The following AHI1 variants were observed in gnomAD, a reference collection of about 807,000 sequenced individuals.
The protein encoded by AHI1 is Abelson helper integration site 1.
In AHI1, 123 loss-of-function variants were observed where a neutral mutation model predicts 149.3. The observed-to-expected ratio is 0.82, with a 90% confidence interval of 0.71 to 0.96. AHI1 has a LOEUF of 0.96. Ranked by LOEUF, AHI1 falls within the 40% of genes least tolerant of loss-of-function variation. AHI1 has a pLI of 0.00. For missense variants in AHI1, 1,439 were observed against 1,422.7 expected, an observed-to-expected ratio of 1.01 and a Z score of -0.18; for synonymous variants, 475 against 459.8, an observed-to-expected ratio of 1.03 and a Z score of -0.42.
chr6:135,448,444 TTGA>T lies in AHI1; in HGVS notation c.1469_1471del (p.Ile490del). The T allele has an allele frequency of 6.5e-7, 1 of 1,544,352 alleles. No individual in the cohort carries two copies. The highest frequency in any genetic ancestry group is 8.8e-7 in the Non-Finnish European group (1 of 1,132,024). On this transcript the variant is annotated inframe_deletion, in exon 12 of 29. Coordinates refer to ENST00000265602, the MANE Select transcript of AHI1 (RefSeq NM_001134831.2). ...ATATAGCTGCAAGCGAAGTTTTGAG[TTGA>T]TGTTTGCATTTCCATTGGCTCCCAG...
intron 5 of AHI1, among the ~76,000 whole-genome samples, chr6:135,469,632 T>C (rs1339099144): frequency 4.6e-5 from 7 of 151,950 alleles, no homozygotes; most frequent in Admixed American, 4.6e-4. Flanking sequence ...TACAGACCAA[T>C]GGAACAGAAA....
chr6:135,462,575 T>C (rs545815638), intron 8 of AHI1, among the ~76,000 whole-genome samples: 1 of 152,260 alleles, frequency 6.6e-6, no homozygotes, highest in African/African-American at 2.4e-5. Flanking sequence ...ACAAAGTCAG[T>C]ATCATTTTAG....
rs767605883 is a variant in AHI1, at chr6:135,447,075, G to A, written c.1712C>T (p.Ser571Leu). 7 of 1,611,098 alleles carry A rather than the reference G, an allele frequency of 4.3e-6. No homozygotes were observed. The South Asian group carries it at 6.6e-5, about 15-fold the overall frequency. The change falls in exon 13 of 29, where the codon TCA (serine) becomes TTA (leucine). Residue 571 changes from serine (S) to leucine (L), a missense_variant. Transcript: ENST00000265602. ...TTCTAATCCAGGTTCTGTGTCTACT[G>A]AGCTTGACTCATGGTGACGTTCACA... ...VHCERHHESSSVDTEPGLEES... is the reference protein window; with the variant it reads ...VHCERHHESSLVDTEPGLEES...
At chr6:135,483,384 C>A (rs1047390844) in intron 5 of AHI1, among the ~76,000 whole-genome samples, 2 of 152,058 alleles carry the variant, frequency 1.3e-5, no homozygotes, top group African/African-American at 4.8e-5. Flanking sequence ...CTTTTAAAAT[C>A]AATTCACTGC....
At chr6:135,289,913 A>G (rs373263586) in intron 28 of AHI1, among the ~76,000 whole-genome samples, 99 of 151,536 alleles carry the variant, frequency 6.5e-4, no homozygotes, top group African/African-American at 2.3e-3. Flanking sequence ...CCCAACCCCT[A>G]CCATCCAAAC....
chr6:135,347,080 C>T (rs987228892), intron 24 of AHI1, among the ~76,000 whole-genome samples: 1 of 152,146 alleles, frequency 6.6e-6, no homozygotes, highest in African/African-American at 2.4e-5. Context: ...GAATGTTTTC[C>T]AAGAAATGTT....
chr6:135,375,695 G>A (rs1016665449), intron 23 of AHI1, among the ~76,000 whole-genome samples: 3 of 151,960 alleles, frequency 2.0e-5, no homozygotes, highest in African/African-American at 7.3e-5. Context: ...AAGACAACTG[G>A]GAATATCAAT....
intron 18 of AHI1, 48 bp downstream of exon 18, chr6:135,429,834 T>C: frequency 2.7e-6 from 3 of 1,097,978 alleles, no homozygotes; most frequent in African/African-American, 1.6e-5. Context: ...ATTTAATTCA[T>C]TACTTACTCT....
At chr6:135,354,085 G>T (rs1792577613) in intron 24 of AHI1, among the ~76,000 whole-genome samples, 1 of 152,084 alleles carries the variant, frequency 6.6e-6, no homozygotes, top group Admixed American at 6.6e-5. Flanking sequence ...TCAACCTGTT[G>T]TGATAGATGT....
intron 10 of AHI1, 147 bp from the exon 11 acceptor site, chr6:135,453,583 A>C (rs554887300): frequency 1.6e-6 from 1 of 641,402 alleles, no homozygotes; most frequent in South Asian, 2.1e-5. Context: ...CATTTCATTC[A>C]CCTTAAAGTT....
chr6:135,296,098 G>A (rs1222275748), intron 27 of AHI1, among the ~76,000 whole-genome samples: 2 of 152,192 alleles, frequency 1.3e-5, no homozygotes, highest in African/African-American at 2.4e-5. Context: ...CAGATGATCC[G>A]TTTGCCTCGG....
chr6:135,363,709 G>A (rs1245017454), intron 23 of AHI1, among the ~76,000 whole-genome samples: 3 of 148,034 alleles, frequency 2.0e-5, no homozygotes, highest in Non-Finnish European at 4.5e-5. Flanking sequence ...CGGACGGGGC[G>A]GCTGGCCGGG....
At chr6:135,428,096 A>G (rs72980220) in intron 19 of AHI1, among the ~76,000 whole-genome samples, 2,666 of 151,776 alleles carry the variant, frequency 0.018, 48 homozygotes, top group Admixed American at 0.038. Flanking sequence ...ACATTCATGT[A>G]GCTTTAGCTT....
intron 26 of AHI1, among the ~76,000 whole-genome samples, chr6:135,309,561 C>T (rs909403966): frequency 6.6e-6 from 1 of 151,374 alleles, no homozygotes; most frequent in African/African-American, 2.4e-5. Context: ...CAGCTCACTG[C>T]AACCTATGCC....
At chr6:135,295,912 G>C (rs1783025577) in intron 27 of AHI1, among the ~76,000 whole-genome samples, 1 of 152,168 alleles carries the variant, frequency 6.6e-6, no homozygotes, top group Non-Finnish European at 1.5e-5. Context: ...GAGTGCAGTG[G>C]CACGATCTCG....
At chr6:135,470,782 T>G (rs1236953797) in intron 5 of AHI1, among the ~76,000 whole-genome samples, 1 of 151,232 alleles carries the variant, frequency 6.6e-6, no homozygotes, top group Admixed American at 6.6e-5. Flanking sequence ...CACTGGGGCC[T>G]GTCAGGGAGT....
intron 26 of AHI1, among the ~76,000 whole-genome samples, chr6:135,312,491 C>A (rs1430847224): frequency 1.3e-5 from 2 of 151,802 alleles, no homozygotes; most frequent in African/African-American, 4.8e-5. Context: ...TTCAGCTTGG[C>A]AATAGAGTGA....
intron 7 of AHI1, among the ~76,000 whole-genome samples, chr6:135,465,460 G>A (rs1237819026): frequency 6.6e-6 from 1 of 152,174 alleles, no homozygotes; most frequent in Non-Finnish European, 1.5e-5. Context: ...CAAAAAAGGG[G>A]AAGTAATTAG....
rs73557693 is a variant in AHI1, at chr6:135,301,815, C to T, written c.3427-1257G>A. 9.4e-4 allele frequency: 923 copies of T among 985,368 alleles called. 5 individuals carry two copies. In the African/African-American group the frequency reaches 0.015, roughly 16 times the overall value. 61.0% of individuals were successfully genotyped at this position (985,368 alleles called of 1,614,324 possible). On this transcript the variant is annotated intron_variant, in intron 26 of 28. Coordinates refer to ENST00000265602, the MANE Select transcript of AHI1 (RefSeq NM_001134831.2). Reference sequence around the variant, plus strand: ...CGTGTTTGGGAAAAAAGTACATACACACGGGAAATTTCAGATTCAACTACT... The same window carrying T: ...CGTGTTTGGGAAAAAAGTACATACATACGGGAAATTTCAGATTCAACTACT...
Sources: gnomAD v4.1 joint callset for allele counts (sites outside exome capture counted in the v4.1 genomes callset) on GRCh38, gnomAD v4.1.1 for gene constraint, MANE v1.5 for transcripts, NCBI Gene and HGNC (gene_info 2026-07-23, HGNC 2026-07-21) for gene names.